Variants in CHL1 observed in about 807,000 individuals in gnomAD.
CHL1 encodes the protein cell adhesion molecule L1 like, also known as neural cell adhesion molecule L1-like protein.
Under a neutral mutation model 141.9 loss-of-function variants are expected in CHL1, and 96 were observed. The ratio of observed to expected loss-of-function variants is 0.68; its 90% CI spans 0.57 to 0.80. CHL1 has a LOEUF of 0.80. CHL1 is among the 30% of genes least tolerant of loss of function. CHL1 has a pLI of 0.00. For synonymous variants in CHL1, 613 were observed against 502.2 expected, an observed-to-expected ratio of 1.22 and a Z score of -2.95; for missense variants, 1,820 against 1,457.2, an observed-to-expected ratio of 1.25 and a Z score of -4.05.
chr3:221,873 A>G (rs1332062883), intron 1 of CHL1, among the ~76,000 whole-genome samples: 2 of 152,230 alleles, frequency 1.3e-5, no homozygotes, highest in African/African-American at 4.8e-5. Flanking sequence ...AAAATATTGT[A>G]TGTGTTCAGT....
chr3:361,126 A>T (rs1258833095), intron 12 of CHL1, among the ~76,000 whole-genome samples: 4 of 151,552 alleles, frequency 2.6e-5, no homozygotes, highest in African/African-American at 4.9e-5. Context: ...GGGGAAAGGA[A>T]TCCCTATTTA....
intron 16 of CHL1, among the ~76,000 whole-genome samples, chr3:381,552 T>C (rs1035292529): frequency 2.6e-5 from 4 of 152,206 alleles, no homozygotes; most frequent in African/African-American, 9.6e-5. Flanking sequence ...AGGTTACACA[T>C]TGCTTTATGC....
At chr3:230,975 C>G (rs529654844) in intron 1 of CHL1, among the ~76,000 whole-genome samples, 1 of 152,266 alleles carries the variant, frequency 6.6e-6, no homozygotes, top group African/African-American at 2.4e-5. Flanking sequence ...TAGCTTTCCC[C>G]AGATGCTCAC....
chr3:241,916 G>T (rs1366609584), intron 1 of CHL1, among the ~76,000 whole-genome samples: 4 of 152,008 alleles, frequency 2.6e-5, no homozygotes, highest in Admixed American at 2.6e-4. Flanking sequence ...TGAGGGAAAG[G>T]GTAAATGCTT....
At chr3:291,708 AATACTGACTGACCC>A (rs1488802589) in intron 2 of CHL1, among the ~76,000 whole-genome samples, 1 of 152,172 alleles carries the variant, frequency 6.6e-6, no homozygotes, top group African/African-American at 2.4e-5. Context: ...ATTTTTTTAA[AATACTGACTGACCC>A]ATATTTGCAC....
chr3:340,552 C>T (rs150912385), intron 5 of CHL1, among the ~76,000 whole-genome samples: 266 of 152,056 alleles, frequency 1.7e-3, no homozygotes, highest in Non-Finnish European at 2.4e-3. Flanking sequence ...TTATTGTTGT[C>T]GCATAACAAA....
At chr3:314,323 C>CTG (rs1699988439) in intron 2 of CHL1, among the ~76,000 whole-genome samples, 2 of 60,166 alleles carry the variant, frequency 3.3e-5, no homozygotes, top group South Asian at 6.4e-4. Flanking sequence ...CTCTCTCTCT[C>CTG]TATGTGTATA....
At chr3:388,636 T>C (rs1179773934) in intron 19 of CHL1, among the ~76,000 whole-genome samples, 3 of 152,166 alleles carry the variant, frequency 2.0e-5, no homozygotes, top group African/African-American at 7.2e-5. Flanking sequence ...AGGGTGACAT[T>C]TTTTCTTAAA....
At chr3:268,129 G>C (rs1426708276) in intron 2 of CHL1, among the ~76,000 whole-genome samples, 1 of 152,296 alleles carries the variant, frequency 6.6e-6, no homozygotes. Flanking sequence ...ACATAAAAAT[G>C]AAAGTAGATT....
intron 2 of CHL1, among the ~76,000 whole-genome samples, chr3:299,411 C>T (rs1440782002): frequency 6.6e-6 from 1 of 152,018 alleles, no homozygotes. Flanking sequence ...CAGATTCTTA[C>T]CATTGGTTCC....
chr3:354,523 A>G (rs1401476719), intron 10 of CHL1, 117 bp from the exon 11 acceptor site: 10 of 1,170,008 alleles, frequency 8.5e-6, no homozygotes, highest in South Asian at 1.6e-5. Flanking sequence ...AAGAGCTACT[A>G]TGAAACCCTT....
chr3:344,074 C>G (rs569998291), intron 8 of CHL1, among the ~76,000 whole-genome samples: 2 of 152,208 alleles, frequency 1.3e-5, no homozygotes, highest in Non-Finnish European at 2.9e-5. Context: ...CTTTAAGGAG[C>G]TGAGACTACA....
At chr3:369,725 G>C (rs1377954954) in intron 15 of CHL1, among the ~76,000 whole-genome samples, 1 of 152,170 alleles carries the variant, frequency 6.6e-6, no homozygotes, top group African/African-American at 2.4e-5. Context: ...TATGATATTG[G>C]CTGTGGGTTT....
chr3:329,031 C>T (rs1701233663), intron 5 of CHL1, among the ~76,000 whole-genome samples: 1 of 152,118 alleles, frequency 6.6e-6, no homozygotes, highest in African/African-American at 2.4e-5. Context: ...TGTAAAACTG[C>T]AAGACACTTT....
In CHL1 at chr3:211,108, T is replaced by G. The variant is rs143569779; in HGVS notation, c.-175+14045T>G. On this transcript the variant is annotated intron_variant, in intron 1 of 27. Coordinates refer to ENST00000256509, the MANE Select transcript of CHL1 (RefSeq NM_006614.4). ...CTTAGCAGAGTCAAAAGGGCCACGGTGAACCCCAAATGTCAGGAAACAAGG... is the reference window on the plus strand; with the variant it reads ...CTTAGCAGAGTCAAAAGGGCCACGGGGAACCCCAAATGTCAGGAAACAAGG... 6.8e-3 allele frequency among the ~76,000 whole-genome samples: 1,036 copies of G among 152,280 alleles called. 17 individuals carry two copies. The highest frequency in any genetic ancestry group is 0.02 in the Middle Eastern group (6 of 294).
chr3:364,451 C>G (rs977702269), intron 14 of CHL1, among the ~76,000 whole-genome samples: 3 of 152,108 alleles, frequency 2.0e-5, no homozygotes, highest in South Asian at 2.1e-4. Context: ...GTGTAAGGAG[C>G]GTGAAGCCTC....
intron 1 of CHL1, chr3:197,635 G>GA (rs200263016): frequency 2.7e-6 from 1 of 368,854 alleles, no homozygotes; most frequent in Non-Finnish European, 5.4e-6. Flanking sequence ...CAGCCCGGGG[G>GA]GGGTTCCGAA....
chr3:373,041 T>C (rs1705847987), intron 15 of CHL1, among the ~76,000 whole-genome samples: 1 of 152,306 alleles, frequency 6.6e-6, no homozygotes, highest in Non-Finnish European at 1.5e-5. Flanking sequence ...CACTCCTATA[T>C]AGGGTGTCTG....
chr3:282,868 C>T (rs1031129177), intron 2 of CHL1: 9 of 152,182 alleles, frequency 5.9e-5, no homozygotes, highest in Admixed American at 5.2e-4. Context: ...ATAAATCCTG[C>T]CTTTGCCACT....
Sources: gnomAD v4.1 joint callset for allele counts (sites outside exome capture counted in the v4.1 genomes callset) on GRCh38, gnomAD v4.1.1 for gene constraint, MANE v1.5 for transcripts, NCBI Gene and HGNC (gene_info 2026-07-23, HGNC 2026-07-21) for gene names.